The following VCF1 variants were observed in gnomAD, a reference collection of about 807,000 sequenced individuals.
VCF1 encodes the protein protein VCF1.
At chr17:73,229,276 T>G in the VCF1 span, 1 of 985,470 alleles carries the variant, frequency 1.0e-6, no homozygotes, top group Non-Finnish European at 1.2e-6. Context: ...TTAGCAGATC[T>G]CATCCTTGAA....
At chr17:73,210,527 A>AT in the VCF1 span, among the ~76,000 whole-genome samples, 4 of 151,410 alleles carry the variant, frequency 2.6e-5, no homozygotes, top group Non-Finnish European at 5.9e-5. Flanking sequence ...ACTTTCAGAA[A>AT]TTCCCGCCTT....
the VCF1 span, chr17:73,227,573 A>T: frequency 3.1e-6 from 3 of 958,932 alleles, no homozygotes; most frequent in African/African-American, 5.2e-5. Context: ...CTAAGCTTTC[A>T]ACCTCTAACC....
chr17:73,215,753 C>A, the VCF1 span, among the ~76,000 whole-genome samples: 2 of 152,164 alleles, frequency 1.3e-5, no homozygotes, highest in Non-Finnish European at 2.9e-5. Flanking sequence ...TGAGCTGAAT[C>A]AAGAAAATGG....
the VCF1 span, among the ~76,000 whole-genome samples, chr17:73,216,419 A>G: frequency 6.6e-6 from 1 of 152,156 alleles, no homozygotes; most frequent in Admixed American, 6.6e-5. Flanking sequence ...TCCAGAGAGT[A>G]AGGGAGGGAA....
the VCF1 span, among the ~76,000 whole-genome samples, chr17:73,210,777 TTTAGTAGAGAC>T: frequency 6.6e-6 from 1 of 151,078 alleles, no homozygotes; most frequent in African/African-American, 2.4e-5. Flanking sequence ...TTTTTTTTTT[TTTAGTAGAGAC>T]AAGATCTCGC....
At chr17:73,220,178 T>G in the VCF1 span, among the ~76,000 whole-genome samples, 1 of 152,110 alleles carries the variant, frequency 6.6e-6, no homozygotes, top group Non-Finnish European at 1.5e-5. Flanking sequence ...TTTAAAAAAA[T>G]TATTCTAAAT....
chr17:73,210,398 C>G, the VCF1 span, among the ~76,000 whole-genome samples: 4 of 151,034 alleles, frequency 2.6e-5, no homozygotes, highest in Non-Finnish European at 5.9e-5. Flanking sequence ...CTAACTTTTT[C>G]TTTAATGTAA....
At chr17:73,225,643 C>G in the VCF1 span, among the ~76,000 whole-genome samples, 85 of 151,722 alleles carry the variant, frequency 5.6e-4, no homozygotes, top group African/African-American at 2.0e-3. Context: ...TGATGGCCAA[C>G]ACCATAGAAG....
chr17:73,229,106 A>G, the VCF1 span: 8 of 979,772 alleles, frequency 8.2e-6, no homozygotes, highest in Non-Finnish European at 9.7e-6. Flanking sequence ...GATTTCAACT[A>G]ATCTCTGGGA....
At chr17:73,229,618 C>A in the VCF1 span, 2 of 978,660 alleles carry the variant, frequency 2.0e-6, no homozygotes, top group Non-Finnish European at 1.2e-6. Flanking sequence ...GTAATCCCAG[C>A]ACTTTGGGAG....
chr17:73,216,298 C>A, the VCF1 span, among the ~76,000 whole-genome samples: 1 of 152,262 alleles, frequency 6.6e-6, no homozygotes, highest in African/African-American at 2.4e-5. Flanking sequence ...GGTACTCGAG[C>A]ATCAGGACAG....
the VCF1 span, among the ~76,000 whole-genome samples, chr17:73,221,549 A>T: frequency 6.6e-6 from 1 of 152,206 alleles, no homozygotes; most frequent in Non-Finnish European, 1.5e-5. Flanking sequence ...ACTGAGCCTG[A>T]GATAGATGTT....
chr17:73,211,008 C>G, the VCF1 span, among the ~76,000 whole-genome samples: 1 of 152,156 alleles, frequency 6.6e-6, no homozygotes, highest in Non-Finnish European at 1.5e-5. Flanking sequence ...ATATTGTATT[C>G]AGCACATGAG....
the VCF1 span, among the ~76,000 whole-genome samples, chr17:73,218,952 G>A: frequency 7.2e-5 from 11 of 151,946 alleles, no homozygotes; most frequent in South Asian, 6.2e-4. Context: ...CCTGGGAGGC[G>A]GAGCTTGCAG....
At chr17:73,227,226 A>G in the VCF1 span, 2 of 1,584,330 alleles carry the variant, frequency 1.3e-6, no homozygotes, top group Non-Finnish European at 1.7e-6. Flanking sequence ...CTGGGGGGGA[A>G]GATGGTTGTC....
the VCF1 span, among the ~76,000 whole-genome samples, chr17:73,224,990 C>CATAGGATAGGACACG: frequency 1.1e-5 from 1 of 92,280 alleles, no homozygotes; most frequent in African/African-American, 3.7e-5. Flanking sequence ...CACAGCACAG[C>CATAGGATAGGACACG]ACAGGACAGG....
chr17:73,223,420 C>T, the VCF1 span, among the ~76,000 whole-genome samples: 1 of 152,140 alleles, frequency 6.6e-6, no homozygotes, highest in Non-Finnish European at 1.5e-5. Flanking sequence ...ACTAATCCGG[C>T]AAATCAGTTC....
the VCF1 span, chr17:73,232,040 C>A: frequency 2.0e-6 from 3 of 1,533,526 alleles, no homozygotes; most frequent in South Asian, 2.5e-5. Flanking sequence ...GCTCTATCTC[C>A]CAGATCCTCA....
chr17:73,231,332 G>A, the VCF1 span, among the ~76,000 whole-genome samples: 3 of 152,174 alleles, frequency 2.0e-5, no homozygotes, highest in African/African-American at 7.2e-5. Context: ...AATTAAGAGA[G>A]AGAAAAAAAT....
Sources: gnomAD v4.1 joint callset for allele counts (sites outside exome capture counted in the v4.1 genomes callset) on GRCh38, gnomAD v4.1.1 for gene constraint, MANE v1.5 for transcripts, NCBI Gene and HGNC (gene_info 2026-07-23, HGNC 2026-07-21) for gene names.